Variants in DESI2 observed in about 807,000 individuals in gnomAD.
The protein encoded by DESI2 is desumoylating isopeptidase 2.
DESI2 carries 10 observed loss-of-function variants against 24.1 expected under a neutral mutation model. That is an observed-to-expected ratio of 0.41 (90% CI 0.26 to 0.70). The LOEUF is 0.70. Among genes scored for constraint, DESI2 ranks in the 30% least tolerant of loss-of-function variants. The pLI, the probability that DESI2 is intolerant of heterozygous loss-of-function variation, is 0.29. For missense variants in DESI2, 122 were observed against 234.9 expected, an observed-to-expected ratio of 0.52 and a Z score of 3.14; for synonymous variants, 71 against 87.7, an observed-to-expected ratio of 0.81 and a Z score of 1.06.
Position 244,707,602 on chromosome 1 carries a change from G to T in DESI2, c.*1813G>T, listed in dbSNP as rs1259319863. ...AAAAGAGAGAGTCCTGTCCCCAGAC[G>T]GTTAGTACAAAGCCTTGGATACAGT... On this transcript the variant is annotated 3_prime_UTR_variant, in exon 5 of 5. Transcript: ENST00000302550. 1 of 152,314 alleles carries T rather than the reference G, an allele frequency of 6.6e-6. No individual in the cohort carries two copies. The highest frequency in any genetic ancestry group is 2.4e-5 in the African/African-American group (1 of 41,444). 9.4% of individuals were successfully genotyped at this position (152,314 alleles called of 1,614,324 possible).
At position 244,670,411 on chromosome 1, in the gene DESI2, G is replaced by C. The variant is rs116313431; in HGVS notation, c.43-16186G>C. Among the ~76,000 whole-genome samples, 541 of 152,238 alleles carry C rather than the reference G, an allele frequency of 3.6e-3. 1 individual carries two copies. The highest frequency in any genetic ancestry group is 4.9e-3 in the Non-Finnish European group (332 of 68,016). On this transcript the variant is annotated intron_variant, in intron 1 of 4. Transcript: ENST00000302550. ...GACACTGTACAGATAACCAGAACTC[G>C]TCTATTTACACATGCATACAATCTT...
chr1:244,660,604 G>A (rs528505844), intron 1 of DESI2, among the ~76,000 whole-genome samples: 1 of 152,268 alleles, frequency 6.6e-6, no homozygotes, highest in Admixed American at 6.5e-5. Flanking sequence ...GTGAGAAACT[G>A]CCAAAATAAT....
chr1:244,704,041 A>G (rs1402722013), intron 4 of DESI2, among the ~76,000 whole-genome samples: 3 of 152,284 alleles, frequency 2.0e-5, no homozygotes, highest in East Asian at 3.9e-4. Flanking sequence ...AGCACATGCT[A>G]CCTTCCCTCA....
intron 1 of DESI2, among the ~76,000 whole-genome samples, chr1:244,657,091 A>T (rs1026131880): frequency 9.2e-5 from 14 of 152,204 alleles, no homozygotes; most frequent in Admixed American, 2.0e-4. Flanking sequence ...TTTTATTATA[A>T]AGTAGTACCT....
chr1:244,696,655 G>A (rs2148814125), intron 4 of DESI2, among the ~76,000 whole-genome samples: 1 of 152,244 alleles, frequency 6.6e-6, no homozygotes, highest in East Asian at 1.9e-4. Flanking sequence ...AAAACAAGTT[G>A]GTTCCTATAC....
chr1:244,702,241 C>T (rs576285464), intron 4 of DESI2, among the ~76,000 whole-genome samples: 40 of 152,248 alleles, frequency 2.6e-4, no homozygotes, highest in East Asian at 7.7e-4. Flanking sequence ...TGGCTGGGCA[C>T]GGTGGCTCAC....
At chr1:244,699,688 A>G (rs755924728) in intron 4 of DESI2, among the ~76,000 whole-genome samples, 7 of 151,210 alleles carry the variant, frequency 4.6e-5, no homozygotes, top group African/African-American at 7.3e-5. Context: ...GTAGAGGACA[A>G]TTTTTTAAAT....
chr1:244,707,929 T>TTAGG lies in DESI2; in HGVS notation c.*2140_*2141insTAGG, dbSNP rs1677775428. On this transcript the variant is annotated 3_prime_UTR_variant, in exon 5 of 5. Coordinates refer to ENST00000302550, the MANE Select transcript of DESI2 (RefSeq NM_016076.5). Reference sequence around the variant, plus strand: ...AAATAGTGTCCTAAGGCCAATTACCTACCATACTAACAATCAGCAGATAAA... The same window carrying TTAGG: ...AAATAGTGTCCTAAGGCCAATTACCTTAGGACCATACTAACAATCAGCAGATAAA... 6.6e-6 allele frequency: 1 copy of TTAGG among 152,238 alleles called. No homozygotes were observed. Among genetic ancestry groups the TTAGG allele is most frequent in the Non-Finnish European group, 1.5e-5 (1 of 68,040 alleles). 9.4% of individuals were successfully genotyped at this position (152,238 alleles called of 1,614,324 possible).
Position 244,669,384 on chromosome 1 carries a change from A to G in DESI2, c.42+16029A>G, listed in dbSNP as rs531666690. 1.2e-3 allele frequency among the ~76,000 whole-genome samples: 183 copies of G among 152,266 alleles called. 1 individual carries two copies. The highest frequency in any genetic ancestry group is 2.1e-3 in the Non-Finnish European group (144 of 68,022). ...AAACCTTTTTATTCTTGCTTAAAAAAAGAAACTAGACTGGCCAGTTGCTCT... is the reference window on the plus strand; with the variant it reads ...AAACCTTTTTATTCTTGCTTAAAAAGAGAAACTAGACTGGCCAGTTGCTCT... On this transcript the variant is annotated intron_variant, in intron 1 of 4. Coordinates refer to ENST00000302550, the MANE Select transcript of DESI2 (RefSeq NM_016076.5).
intron 4 of DESI2, among the ~76,000 whole-genome samples, chr1:244,700,110 C>G (rs1309978066): frequency 1.3e-5 from 2 of 152,196 alleles, no homozygotes; most frequent in Non-Finnish European, 2.9e-5. Context: ...CACTTTACCC[C>G]ATGCACCTTT....
At chr1:244,695,790 CA>C (rs1376255157) in intron 4 of DESI2, among the ~76,000 whole-genome samples, 8 of 152,206 alleles carry the variant, frequency 5.3e-5, no homozygotes, top group Non-Finnish European at 7.3e-5. Flanking sequence ...TCCCAGATTT[CA>C]TTTAGAGACA....
chr1:244,665,027 A>G lies in DESI2; in HGVS notation c.42+11672A>G, dbSNP rs545370785. 3.9e-5 allele frequency among the ~76,000 whole-genome samples: 6 copies of G among 152,320 alleles called. No homozygotes were observed. In the South Asian group the frequency reaches 1.2e-3, roughly 32 times the overall value. On this transcript the variant is annotated intron_variant, in intron 1 of 4. Transcript: ENST00000302550. Reference sequence around the variant, plus strand: ...TATGTTGTACTAAATTATCATGGATATTTAGGTCTGTTTGAAGACTGTCTG... The same window carrying G: ...TATGTTGTACTAAATTATCATGGATGTTTAGGTCTGTTTGAAGACTGTCTG...
chr1:244,663,929 A>G (rs1675945919), intron 1 of DESI2, among the ~76,000 whole-genome samples: 2 of 151,034 alleles, frequency 1.3e-5, no homozygotes, highest in Non-Finnish European at 3.0e-5. Flanking sequence ...GAGGCAGGAG[A>G]ATGGCGTGAA....
chr1:244,659,488 C>T (rs1490753230), intron 1 of DESI2, among the ~76,000 whole-genome samples: 2 of 152,120 alleles, frequency 1.3e-5, no homozygotes, highest in Non-Finnish European at 2.9e-5. Flanking sequence ...GGTCTGAGGT[C>T]CCATTCCTTC....
intron 1 of DESI2, among the ~76,000 whole-genome samples, chr1:244,657,499 C>T (rs745569934): frequency 6.6e-6 from 1 of 152,162 alleles, no homozygotes; most frequent in African/African-American, 2.4e-5. Context: ...TATTATAAAC[C>T]CTTCACAGTC....
intron 1 of DESI2, among the ~76,000 whole-genome samples, chr1:244,681,286 G>C (rs1340682363): frequency 6.6e-6 from 1 of 152,116 alleles, no homozygotes; most frequent in Non-Finnish European, 1.5e-5. Context: ...AGTTTATACA[G>C]ATGCTTCCCG....
At chr1:244,662,488 A>T (rs556070582) in intron 1 of DESI2, among the ~76,000 whole-genome samples, 30 of 152,246 alleles carry the variant, frequency 2.0e-4, no homozygotes, top group African/African-American at 6.0e-4. Flanking sequence ...TTTCTATCAT[A>T]TTCTTCCCTC....
chr1:244,704,191 T>G (rs1229042251), intron 4 of DESI2, among the ~76,000 whole-genome samples: 1 of 152,206 alleles, frequency 6.6e-6, no homozygotes, highest in Admixed American at 6.5e-5. Flanking sequence ...ACTTATTAAA[T>G]TTTAGCTAAT....
chr1:244,667,310 A>G (rs1352454107), intron 1 of DESI2, among the ~76,000 whole-genome samples: 1 of 152,200 alleles, frequency 6.6e-6, no homozygotes, highest in African/African-American at 2.4e-5. Context: ...TTGGATAAAT[A>G]CAGCCATTCC....
Sources: allele counts gnomAD v4.1 joint callset (sites outside exome capture counted in the v4.1 genomes callset), GRCh38; gene constraint gnomAD v4.1.1; transcripts MANE v1.5; gene names NCBI Gene and HGNC (gene_info 2026-07-23, HGNC 2026-07-21).